Variants in SAE1 observed in about 807,000 individuals in gnomAD.
SAE1 encodes SUMO-activating enzyme subunit 1.
A neutral mutation model predicts 40.6 loss-of-function variants in SAE1; 11 were observed. The ratio of observed to expected loss-of-function variants is 0.27; its 90% CI spans 0.17 to 0.45. The LOEUF (loss-of-function observed/expected upper bound fraction) is 0.45. SAE1 is among the 20% of genes least tolerant of loss of function. The pLI is 1.00. For missense variants in SAE1, 373 were observed against 427.3 expected, an observed-to-expected ratio of 0.87 and a Z score of 1.12; for synonymous variants, 155 against 154.3, an observed-to-expected ratio of 1.00 and a Z score of -0.03.
chr19:47,180,202 G>A (rs1296377585), intron 6 of SAE1: 8 of 456,144 alleles, frequency 1.8e-5, no homozygotes, highest in Non-Finnish European at 3.5e-5. Flanking sequence ...CAGAAGCACT[G>A]AACGCACTCA....
intron 6 of SAE1, among the ~76,000 whole-genome samples, chr19:47,191,380 C>T (rs2058576827): frequency 6.6e-6 from 1 of 152,126 alleles, no homozygotes; most frequent in South Asian, 2.1e-4. Context: ...GGAATCCAGC[C>T]ATCTGTTAGT....
At chr19:47,138,928 TTC>T (rs1178718098) in intron 1 of SAE1, among the ~76,000 whole-genome samples, 1 of 152,204 alleles carries the variant, frequency 6.6e-6, no homozygotes. Context: ...CAGTATGGAC[TTC>T]TCTAAGGAGG....
At chr19:47,202,441 C>T (rs1171011341) in intron 7 of SAE1, among the ~76,000 whole-genome samples, 1 of 151,860 alleles carries the variant, frequency 6.6e-6, no homozygotes, top group Non-Finnish European at 1.5e-5. Context: ...GCTCACCCCA[C>T]CACACCAAGC....
chr19:47,152,697 C>G (rs973199563), intron 3 of SAE1, among the ~76,000 whole-genome samples: 6 of 152,166 alleles, frequency 3.9e-5, no homozygotes, highest in Non-Finnish European at 7.4e-5. Flanking sequence ...GTGACGGTCT[C>G]ATAACTTATA....
chr19:47,188,093 A>G (rs1311956142), intron 6 of SAE1, among the ~76,000 whole-genome samples: 2 of 152,080 alleles, frequency 1.3e-5, no homozygotes, highest in Non-Finnish European at 2.9e-5. Flanking sequence ...TCACGCCTGT[A>G]ATCCCAGCAC....
intron 5 of SAE1, among the ~76,000 whole-genome samples, chr19:47,162,698 A>G (rs919213784): frequency 3.3e-5 from 5 of 152,144 alleles, no homozygotes; most frequent in Admixed American, 2.6e-4. Context: ...CTGATTTAAG[A>G]AGTAAAATAA....
At chr19:47,155,408 G>A (rs1031061070) in intron 5 of SAE1, among the ~76,000 whole-genome samples, 195 bp downstream of exon 5, 13 of 152,108 alleles carry the variant, frequency 8.5e-5, no homozygotes, top group Admixed American at 7.9e-4. Context: ...GATTCCAGAT[G>A]GGATTTTTCA....
At position 47,156,904 on chromosome 19, in the gene SAE1, A is replaced by C. The variant is rs111428108; in HGVS notation, c.627+1691A>C. ...GAGATGGGAACCATGCGATGGGGAA[A>C]GCAAGATGAAGGGGCCAGAATTGGT... On this transcript the variant is annotated intron_variant, in intron 5 of 8. Coordinates refer to ENST00000270225, the MANE Select transcript of SAE1 (RefSeq NM_005500.3). Among the ~76,000 whole-genome samples the C allele has an allele frequency of 7.1e-3, 1,088 of 152,324 alleles. 11 individuals are homozygous for C. Among genetic ancestry groups the C allele is most frequent in the African/African-American group, 0.025 (1,051 of 41,582 alleles).
intron 1 of SAE1, among the ~76,000 whole-genome samples, chr19:47,131,435 G>A (rs1341796028): frequency 2.0e-5 from 3 of 152,140 alleles, no homozygotes; most frequent in African/African-American, 7.2e-5. Flanking sequence ...GTTCCGTGCT[G>A]CACACAGGGG....
intron 1 of SAE1, among the ~76,000 whole-genome samples, chr19:47,141,550 G>T (rs1252874668): frequency 6.6e-6 from 1 of 152,102 alleles, no homozygotes; most frequent in Non-Finnish European, 1.5e-5. Context: ...GCTGTTGCTG[G>T]AAGAGTTCGG....
At chr19:47,207,474 T>G (rs1382556549) in intron 8 of SAE1, among the ~76,000 whole-genome samples, 1 of 151,654 alleles carries the variant, frequency 6.6e-6, no homozygotes, top group Non-Finnish European at 1.5e-5. Context: ...GTCTTCCTCT[T>G]TAAATGGTAG....
intron 1 of SAE1, among the ~76,000 whole-genome samples, chr19:47,138,457 A>G (rs1307164799): frequency 6.6e-6 from 1 of 152,228 alleles, no homozygotes; most frequent in East Asian, 1.9e-4. Context: ...AGAGCTTAGT[A>G]GAACAGTGCT....
intron 5 of SAE1, among the ~76,000 whole-genome samples, chr19:47,161,650 C>T (rs2058360419): frequency 1.3e-5 from 2 of 152,156 alleles, no homozygotes; most frequent in African/African-American, 2.4e-5. Flanking sequence ...AGAATGATTT[C>T]GCTCACCATC....
rs11670191 is a variant in SAE1, at chr19:47,155,225, G to A, written c.627+12G>A. 0.18 allele frequency: 288,250 copies of A among 1,586,716 alleles called. 27,811 individuals carry two copies. Among genetic ancestry groups the A allele is most frequent in the East Asian group, 0.39 (17,422 of 44,698 alleles). ...CGATGGTCAAAAAGGTATGTGTAAC[G>A]TGGGGGCAGAGGTCAGAAACCCTGG... On this transcript the variant is annotated intron_variant, in intron 5 of 8. Transcript: ENST00000270225.
chr19:47,135,890 G>A (rs2058176261), intron 1 of SAE1, among the ~76,000 whole-genome samples: 1 of 151,660 alleles, frequency 6.6e-6, no homozygotes, highest in African/African-American at 2.4e-5. Flanking sequence ...TGCAAGCTCC[G>A]CCTCCCAGGT....
At chr19:47,179,754 G>A (rs983135877) in intron 6 of SAE1, among the ~76,000 whole-genome samples, 1 of 152,094 alleles carries the variant, frequency 6.6e-6, no homozygotes, top group Non-Finnish European at 1.5e-5. Context: ...TTGTAGAGAC[G>A]GGGTTTCACT....
chr19:47,195,593 C>A (rs760105245), intron 6 of SAE1, among the ~76,000 whole-genome samples: 47 of 152,086 alleles, frequency 3.1e-4, no homozygotes, highest in Non-Finnish European at 5.1e-4. Flanking sequence ...CTGGCTAAAG[C>A]AGGCTTTAAA....
chr19:47,154,617 C>T (rs1458170976), intron 4 of SAE1, among the ~76,000 whole-genome samples: 1 of 148,844 alleles, frequency 6.7e-6, no homozygotes, highest in African/African-American at 2.5e-5. Flanking sequence ...GCCTCAGCCT[C>T]CCAAGTAGCT....
At chr19:47,133,932 G>T (rs968643101) in intron 1 of SAE1, among the ~76,000 whole-genome samples, 2 of 150,506 alleles carry the variant, frequency 1.3e-5, no homozygotes, top group African/African-American at 2.4e-5. Flanking sequence ...GCATGGTCTC[G>T]GCTCACTGCA....
Sources: gnomAD v4.1 joint callset for allele counts (sites outside exome capture counted in the v4.1 genomes callset) on GRCh38, gnomAD v4.1.1 for gene constraint, MANE v1.5 for transcripts, NCBI Gene and HGNC (gene_info 2026-07-23, HGNC 2026-07-21) for gene names.